Variants in TDRD7 observed in about 807,000 individuals in gnomAD.
TDRD7 encodes tudor domain-containing protein 7.
TDRD7 carries 47 observed loss-of-function variants against 109.8 expected under a neutral mutation model. That is an observed-to-expected ratio of 0.43 (90% confidence interval 0.34 to 0.55). TDRD7 has a LOEUF of 0.55. Ranked by LOEUF, TDRD7 falls within the 20% of genes least tolerant of loss-of-function variation. The pLI is 0.03. For synonymous variants in TDRD7, 424 were observed against 457.3 expected (o/e 0.93, Z 0.93); for missense variants, 1,164 against 1,319.2 (o/e 0.88, Z 1.82).
intron 16 of TDRD7, among the ~76,000 whole-genome samples, chr9:97,491,003 C>T (rs1210171931): frequency 6.6e-6 from 1 of 150,910 alleles, no homozygotes; most frequent in East Asian, 1.9e-4. Flanking sequence ...GCAACCTCCG[C>T]CTCCCAGGTT....
rs1052676727 is a variant in TDRD7, at chr9:97,412,678, A to G, written c.-7+440A>G. ...GGGATGTCCGCGCTCCCCTATTTGAACCCAAGTATTTTACACCACGAACTT... is the reference window on the plus strand; with the variant it reads ...GGGATGTCCGCGCTCCCCTATTTGAGCCCAAGTATTTTACACCACGAACTT... On this transcript the variant is annotated intron_variant, in intron 1 of 16. Transcript: ENST00000355295. This position sits in a 1 kb window ranked among gnomAD's most constrained non-coding sequence, Gnocchi z 4.3. 2.2e-4 allele frequency among the ~76,000 whole-genome samples: 34 copies of G among 152,090 alleles called. No homozygotes were observed. The highest frequency in any genetic ancestry group is 1.7e-3 in the Admixed American group (26 of 15,260).
At chr9:97,442,789 T>C (rs1451582965) in intron 6 of TDRD7, among the ~76,000 whole-genome samples, 6 of 151,680 alleles carry the variant, frequency 4.0e-5, no homozygotes, top group Non-Finnish European at 8.8e-5. Context: ...AAAGAAAGCA[T>C]GTATTTTTTT....
chr9:97,470,456 C>T (rs1488592295), intron 8 of TDRD7, 102 bp from the exon 9 acceptor site: 7 of 1,115,830 alleles, frequency 6.3e-6, no homozygotes, highest in African/African-American at 4.6e-5. Context: ...CTCTGCCACT[C>T]AGCTTGCTGA....
At chr9:97,491,980 C>T (rs762962740) in intron 16 of TDRD7, among the ~76,000 whole-genome samples, 1 of 152,170 alleles carries the variant, frequency 6.6e-6, no homozygotes, top group Non-Finnish European at 1.5e-5. Context: ...GACTTATTTA[C>T]ATGTACCCCT....
At chr9:97,481,085 A>G in intron 14 of TDRD7, 147 bp downstream of exon 14, 1 of 723,898 alleles carries the variant, frequency 1.4e-6, no homozygotes, top group Non-Finnish European at 2.5e-6. Flanking sequence ...AATTGGCTAC[A>G]TGTGTAGCTG....
intron 10 of TDRD7, among the ~76,000 whole-genome samples, chr9:97,472,907 G>GTTA (rs1298914985): frequency 6.6e-6 from 1 of 152,054 alleles, no homozygotes; most frequent in Non-Finnish European, 1.5e-5. Context: ...AATAGGATGA[G>GTTA]ATGTTAAAAA....
intron 6 of TDRD7, among the ~76,000 whole-genome samples, chr9:97,456,185 A>G (rs1348734117): frequency 6.6e-6 from 1 of 152,244 alleles, no homozygotes; most frequent in Admixed American, 6.5e-5. Context: ...GGACACAAAC[A>G]AATGGAAAAA....
intron 1 of TDRD7, among the ~76,000 whole-genome samples, chr9:97,423,009 T>C (rs989320402): frequency 6.6e-6 from 1 of 152,244 alleles, no homozygotes; most frequent in African/African-American, 2.4e-5. Context: ...TGTCTTTGTA[T>C]AGTTTTTGTA....
Position 97,482,945 on chromosome 9 carries a change from A to G in TDRD7, c.2509A>G (p.Thr837Ala). Residue 837 changes from threonine to alanine, a missense_variant, in exon 15 of 17, where the codon ACA (threonine) becomes GCA (alanine). Coordinates refer to ENST00000355295, the MANE Select transcript of TDRD7 (RefSeq NM_014290.3). Reference protein sequence around the residue: ...DPHRSINRQITNADLWKHQKD... With the variant: ...DPHRSINRQIANADLWKHQKD... ...TCATCGCAGTATTAATCGCCAGATTACAAATGCAGACTTGTGGAAGCATCA... is the reference window on the plus strand; with the variant it reads ...TCATCGCAGTATTAATCGCCAGATTGCAAATGCAGACTTGTGGAAGCATCA... The G allele has an allele frequency of 5.6e-6, 9 of 1,614,226 alleles. No homozygotes were observed. Among genetic ancestry groups the G allele is most frequent in the South Asian group, 2.2e-5 (2 of 91,084 alleles).
At chr9:97,478,767 CTG>C in intron 13 of TDRD7, 194 bp downstream of exon 13, 2 of 695,268 alleles carry the variant, frequency 2.9e-6, no homozygotes, top group Non-Finnish European at 4.9e-6. Context: ...TATTTACATA[CTG>C]TTGTTTGAGA....
intron 1 of TDRD7, among the ~76,000 whole-genome samples, chr9:97,417,649 A>G (rs2118205282): frequency 6.6e-6 from 1 of 152,332 alleles, no homozygotes; most frequent in African/African-American, 2.4e-5. Flanking sequence ...TTATCCCAGG[A>G]AAATGAGTGA....
chr9:97,428,042 A>G (rs2118277241), intron 1 of TDRD7, among the ~76,000 whole-genome samples: 1 of 152,168 alleles, frequency 6.6e-6, no homozygotes, highest in South Asian at 2.1e-4. Context: ...ACGTCCAGCC[A>G]CCTAACTGTC....
rs527783290 is a variant in TDRD7 at position 97,446,749 on chromosome 9, C to T, written c.855+4874C>T. On this transcript the variant is annotated intron_variant, in intron 6 of 16. Coordinates refer to ENST00000355295, the MANE Select transcript of TDRD7 (RefSeq NM_014290.3). The stretch of plus-strand genomic sequence containing the variant: ...CAGGAATCTAACTTAATTTTAATTA[C>T]GGTAATTAATTGTATGAGATAATAA... 9.2e-5 allele frequency among the ~76,000 whole-genome samples: 14 copies of T among 152,160 alleles called. No homozygotes were observed. The South Asian group carries it at 1.9e-3, about 20-fold the overall frequency.
intron 1 of TDRD7, among the ~76,000 whole-genome samples, chr9:97,427,564 A>G (rs1828021444): frequency 6.6e-6 from 1 of 152,188 alleles, no homozygotes. Flanking sequence ...TGGCTGTTCT[A>G]TAAGCATTCC....
At chr9:97,450,773 GA>G (rs1828476442) in intron 6 of TDRD7, among the ~76,000 whole-genome samples, 1 of 152,130 alleles carries the variant, frequency 6.6e-6, no homozygotes, top group African/African-American at 2.4e-5. Flanking sequence ...GAATGCCCAG[GA>G]AAAGCAAATT....
intron 4 of TDRD7, among the ~76,000 whole-genome samples, chr9:97,435,612 G>A (rs1409498930): frequency 6.9e-6 from 1 of 144,316 alleles, no homozygotes; most frequent in Non-Finnish European, 1.5e-5. Flanking sequence ...CTCAAGCCTG[G>A]GTGACAGGGT....
intron 16 of TDRD7, among the ~76,000 whole-genome samples, chr9:97,494,003 G>A (rs1829349373): frequency 2.0e-5 from 3 of 151,326 alleles, no homozygotes; most frequent in South Asian, 2.1e-4. Context: ...TGCAGTTAAC[G>A]CAATCATCAC....
intron 6 of TDRD7, among the ~76,000 whole-genome samples, chr9:97,451,756 T>G (rs1192026872): frequency 6.6e-6 from 1 of 152,214 alleles, no homozygotes; most frequent in Admixed American, 6.5e-5. Context: ...GACAGTCTTG[T>G]GGGACTGAGC....
chr9:97,419,847 A>C (rs994758758), intron 1 of TDRD7, among the ~76,000 whole-genome samples: 1 of 152,156 alleles, frequency 6.6e-6, no homozygotes, highest in Non-Finnish European at 1.5e-5. Flanking sequence ...TATAATGGGA[A>C]AAGTGTGGCC....
Sources: gnomAD v4.1 joint callset for allele counts (sites outside exome capture counted in the v4.1 genomes callset) on GRCh38, gnomAD v4.1.1 for gene constraint, Gnocchi (gnomAD v3.1) non-coding constraint, MANE v1.5 for transcripts, NCBI Gene and HGNC (gene_info 2026-07-23, HGNC 2026-07-21) for gene names.